Variants in PER2 observed in about 807,000 individuals in gnomAD.
PER2 encodes period circadian protein homolog 2.
Under a neutral mutation model 121.0 loss-of-function variants are expected in PER2, and 66 were observed. The ratio of observed to expected loss-of-function variants is 0.55; its 90% CI spans 0.45 to 0.67. The LOEUF is 0.67. Among genes scored for constraint, PER2 ranks in the 30% least tolerant of loss-of-function variants. PER2 has a pLI of 0.00. For missense variants in PER2, 1,521 were observed against 1,635.0 expected (o/e 0.93, Z 1.20); for synonymous variants, 684 against 659.9 (o/e 1.04, Z -0.56).
At chr2:238,275,634 G>A in intron 4 of PER2, 109 bp downstream of exon 4, 1 of 1,218,606 alleles carries the variant, frequency 8.2e-7, no homozygotes, top group Admixed American at 1.7e-5. Context: ...GCTGCAGTGA[G>A]CTGCGATGAG....
intron 17 of PER2, 64 bp from the exon 18 acceptor site, chr2:238,255,975 T>G (rs112028925): frequency 6.3e-7 from 1 of 1,576,616 alleles, no homozygotes; most frequent in Non-Finnish European, 8.7e-7. Context: ...AAGGCCACAC[T>G]ATATTCACGA....
upstream of PER2, among the ~76,000 whole-genome samples, chr2:238,288,975 C>T (rs542051392): frequency 6.6e-6 from 1 of 152,220 alleles, no homozygotes; most frequent in African/African-American, 2.4e-5. Flanking sequence ...TCGTCGGTTC[C>T]TCAATGGAGA....
intron 1 of PER2, among the ~76,000 whole-genome samples, chr2:238,285,406 G>A (rs949891132): frequency 1.5e-4 from 23 of 152,220 alleles, no homozygotes; most frequent in African/African-American, 3.1e-4. Context: ...GCATGGGTTC[G>A]TTACCCTATC....
chr2:238,253,382 C>A lies in PER2; in HGVS notation c.2641G>T (p.Val881Leu). The change falls in exon 19 of 23, where the codon GTG (valine) becomes TTG (leucine). Residue 881 changes from valine (V) to leucine (L), a missense_variant. By Grantham distance (32) the Val-to-Leu change is conservative (BLOSUM62 1). Coordinates refer to ENST00000254657, the MANE Select transcript of PER2 (RefSeq NM_022817.3). This position sits in a 1 kb window ranked among gnomAD's most constrained non-coding sequence, Gnocchi z 5.6. The part of the protein sequence containing the change: ...PPHASFTVPA[V>L]PVDLQHQFAV... The stretch of plus-strand genomic sequence containing the variant: ...AACTGGTGCTGGAGGTCCACGGGCA[C>A]AGCAGGCACTGTGAAGCTGGCGTGG... The A allele has an allele frequency of 6.2e-7, 1 of 1,612,174 alleles. No homozygotes were observed. The highest frequency in any genetic ancestry group is 8.5e-7 in the Non-Finnish European group (1 of 1,178,780).
chr2:238,258,846 G>C lies in PER2; in HGVS notation c.1628-202C>G, dbSNP rs748431438. ...AGTGCCGTCCACAGAGAGACCTGGG[G>C]GGGGAGCTGCTGCCCAGCCTGGTGT... On this transcript the variant is annotated intron_variant, in intron 14 of 22. Transcript: ENST00000254657. 1.9e-4 allele frequency among the ~76,000 whole-genome samples: 29 copies of C among 152,208 alleles called. No homozygotes were observed. In the South Asian group the frequency reaches 5.4e-3, roughly 28 times the overall value.
At chr2:238,274,147 A>T (rs1279567850) in intron 4 of PER2, among the ~76,000 whole-genome samples, 2 of 152,248 alleles carry the variant, frequency 1.3e-5, no homozygotes, top group Non-Finnish European at 2.9e-5. Context: ...TAGAATCTGA[A>T]GAGGAGGGCC....
intron 12 of PER2, chr2:238,261,392 A>G (rs748848967): frequency 9.8e-6 from 4 of 407,216 alleles, no homozygotes; most frequent in Non-Finnish European, 1.8e-5. Flanking sequence ...CTTAAGTCCC[A>G]CTGCTCTGGA....
intron 5 of PER2, among the ~76,000 whole-genome samples, chr2:238,272,228 C>T (rs1265830762): frequency 6.6e-6 from 1 of 152,238 alleles, no homozygotes; most frequent in South Asian, 2.1e-4. Flanking sequence ...GCTGTCTCCA[C>T]CCCCTGGGAG....
chr2:238,261,643 C>G (rs1273060019), intron 12 of PER2, 86 bp downstream of exon 12: 1 of 843,190 alleles, frequency 1.2e-6, no homozygotes, highest in South Asian at 1.4e-5. Flanking sequence ...AGTGGGTGTG[C>G]CAGGACCAGG....
chr2:238,263,983 G>A (rs1401052284), intron 9 of PER2, among the ~76,000 whole-genome samples: 1 of 151,266 alleles, frequency 6.6e-6, no homozygotes, highest in Non-Finnish European at 1.5e-5. Flanking sequence ...GAAAAAGAGG[G>A]GGAGGAGGAA....
In PER2 at chr2:238,268,243, A is replaced by C; in HGVS notation, c.825-45T>G. The C allele has an allele frequency of 6.3e-7, 1 of 1,598,814 alleles. No homozygotes were observed. Among genetic ancestry groups the C allele is most frequent in the Non-Finnish European group, 8.6e-7 (1 of 1,168,984 alleles). Reference sequence around the variant, plus strand: ...TCTAAGTTGGGAACTGTGACACAGGAACAGTCCCCTGTTCTGTTCCCTCCT... The same window carrying C: ...TCTAAGTTGGGAACTGTGACACAGGCACAGTCCCCTGTTCTGTTCCCTCCT... On this transcript the variant is annotated intron_variant, in intron 7 of 22. Transcript: ENST00000254657. This position sits in a 1 kb window ranked among gnomAD's most constrained non-coding sequence, Gnocchi z 4.0.
At chr2:238,282,786 CAGTAG>C (rs1559337471) in intron 1 of PER2, among the ~76,000 whole-genome samples, 3 of 152,208 alleles carry the variant, frequency 2.0e-5, no homozygotes, top group African/African-American at 7.2e-5. Context: ...CTAGAATATA[CAGTAG>C]AGTAGGCAAC....
At chr2:238,272,828 ATGAGCTACAGG>A in intron 5 of PER2, among the ~76,000 whole-genome samples, 1 of 152,340 alleles carries the variant, frequency 6.6e-6, no homozygotes, top group Admixed American at 6.5e-5. Context: ...CCTTGCACCC[ATGAGCTACAGG>A]ACAAAGTTGG....
chr2:238,261,410 G>A, intron 12 of PER2: 1 of 438,842 alleles, frequency 2.3e-6, no homozygotes, highest in East Asian at 4.4e-5. Context: ...GGATTAGAAT[G>A]AGCCCCCGCA....
rs774557241 is a variant in PER2 at position 238,277,893 on chromosome 2, G to C, written c.44C>G (p.Thr15Ser). 4 of 1,614,096 alleles carry C rather than the reference G, an allele frequency of 2.5e-6. No individual in the cohort carries two copies. The highest frequency in any genetic ancestry group is 3.4e-6 in the Non-Finnish European group (4 of 1,180,042). ...AEFPPSPSNP[T>S]KEPVEPQPSQ... Reference sequence around the variant, plus strand: ...GGGCTGGGGCTCCACGGGCTCCTTGGTGGGGTTACTGGGGCTGGGCGGAAA... The same window carrying C: ...GGGCTGGGGCTCCACGGGCTCCTTGCTGGGGTTACTGGGGCTGGGCGGAAA... The change falls in exon 2 of 23, where the codon ACC becomes AGC. Residue 15 changes from threonine (T) to serine (S), a missense_variant. Physicochemically the swap from Thr to Ser is moderately conservative, Grantham distance 58. Transcript: ENST00000254657.
the PER2 span, chr2:238,295,436 T>C: frequency 6.6e-5 from 10 of 152,204 alleles, 1 homozygote; most frequent in Admixed American, 5.2e-4. Flanking sequence ...GGTGCAATCA[T>C]AGCTCAGTGA....
intron 4 of PER2, among the ~76,000 whole-genome samples, chr2:238,273,611 T>C (rs1696362736): frequency 1.3e-5 from 2 of 151,948 alleles, no homozygotes; most frequent in South Asian, 4.2e-4. Context: ...TTCTCTTGCC[T>C]CAGCCTTCCA....
chr2:238,279,588 T>G (rs1335126753), intron 1 of PER2, among the ~76,000 whole-genome samples: 29 of 152,356 alleles, frequency 1.9e-4, no homozygotes, highest in Admixed American at 1.9e-3. Context: ...GGCATCCGTT[T>G]GGCCCTTCCC....
intron 1 of PER2, among the ~76,000 whole-genome samples, chr2:238,278,767 G>A (rs1302406234): frequency 6.6e-6 from 1 of 152,160 alleles, no homozygotes; most frequent in Non-Finnish European, 1.5e-5. Context: ...CCTGGCAGGT[G>A]TGGAACCCTC....
Sources: gnomAD v4.1 joint callset for allele counts (sites outside exome capture counted in the v4.1 genomes callset) on GRCh38, gnomAD v4.1.1 for gene constraint, Gnocchi (gnomAD v3.1) non-coding constraint, MANE v1.5 for transcripts, NCBI Gene and HGNC (gene_info 2026-07-23, HGNC 2026-07-21) for gene names.